The following SNTG2 variants were observed in gnomAD, a reference collection of about 807,000 sequenced individuals.
SNTG2 encodes gamma-2-syntrophin.
SNTG2 carries 74 observed loss-of-function variants against 70.9 expected under a neutral mutation model. The ratio of observed to expected loss-of-function variants is 1.04; its 90% CI spans 0.86 to 1.27. The LOEUF (loss-of-function observed/expected upper bound fraction) is 1.27. SNTG2 is among the 50% of genes most tolerant of loss of function. The probability of loss-of-function intolerance (pLI) is 0.00; values close to 1 mark genes in which losing one functional copy is unlikely to be tolerated. For missense variants in SNTG2, 717 were observed against 690.7 expected (o/e 1.04, Z -0.43); for synonymous variants, 278 against 273.8 (o/e 1.02, Z -0.15).
chr2:1,231,351 C>T (rs555723736), intron 9 of SNTG2, among the ~76,000 whole-genome samples: 1 of 152,048 alleles, frequency 6.6e-6, no homozygotes, highest in African/African-American at 2.4e-5. Context: ...AGATCCGAAA[C>T]GTGAATTACT....
At chr2:1,186,109 G>A (rs1672230594) in intron 8 of SNTG2, among the ~76,000 whole-genome samples, 1 of 152,102 alleles carries the variant, frequency 6.6e-6, no homozygotes, top group Admixed American at 6.5e-5. Context: ...TAACTCTCAA[G>A]TTCAATGTTG....
chr2:965,528 C>T (rs1660526907), intron 1 of SNTG2, among the ~76,000 whole-genome samples: 1 of 148,176 alleles, frequency 6.7e-6, no homozygotes, highest in Non-Finnish European at 1.5e-5. Context: ...TCCTCCTGGC[C>T]TCTCGGTCCT....
chr2:1,282,710 C>G (rs768534080), intron 14 of SNTG2, among the ~76,000 whole-genome samples: 1 of 149,538 alleles, frequency 6.7e-6, no homozygotes, highest in East Asian at 2.0e-4. Flanking sequence ...CTGCCTCCCC[C>G]GCACTGTGCA....
At chr2:1,009,204 A>G (rs995563407) in intron 1 of SNTG2, among the ~76,000 whole-genome samples, 3 of 102,116 alleles carry the variant, frequency 2.9e-5, no homozygotes, top group African/African-American at 1.1e-4. Flanking sequence ...GGTCGTGTGT[A>G]TGGCAGCCAC....
At chr2:1,275,298 T>C (rs1679223270) in intron 14 of SNTG2, among the ~76,000 whole-genome samples, 1 of 152,236 alleles carries the variant, frequency 6.6e-6, no homozygotes, top group African/African-American at 2.4e-5. Flanking sequence ...GAAGATACTC[T>C]TTTTATTATT....
intron 1 of SNTG2, among the ~76,000 whole-genome samples, chr2:984,259 C>CT (rs35096466): frequency 0.047 from 6,646 of 140,246 alleles, 185 homozygotes; most frequent in Admixed American, 0.094. Flanking sequence ...AGAAACAAAG[C>CT]TTTTTTTTTT....
intron 8 of SNTG2, among the ~76,000 whole-genome samples, chr2:1,184,012 T>G (rs1456606901): frequency 6.6e-6 from 1 of 152,228 alleles, no homozygotes; most frequent in African/African-American, 2.4e-5. Flanking sequence ...TTGTAGAATT[T>G]CAGCGAGTTG....
intron 11 of SNTG2, among the ~76,000 whole-genome samples, chr2:1,246,525 C>T (rs964111371): frequency 2.0e-5 from 3 of 152,286 alleles, no homozygotes; most frequent in Non-Finnish European, 4.4e-5. Flanking sequence ...AATAGCTCAT[C>T]GGTCAGTGTC....
chr2:1,192,376 A>AG (rs1172897116), intron 8 of SNTG2, among the ~76,000 whole-genome samples: 1 of 152,188 alleles, frequency 6.6e-6, no homozygotes, highest in East Asian at 1.9e-4. Flanking sequence ...ATTTATTACA[A>AG]GGGGTGTTCC....
chr2:1,246,374 C>T (rs566134960), intron 11 of SNTG2, among the ~76,000 whole-genome samples: 7 of 152,264 alleles, frequency 4.6e-5, no homozygotes, highest in African/African-American at 1.4e-4. Flanking sequence ...AAGTAAATAT[C>T]AGAAACAGGA....
rs548501146 is a variant in SNTG2, at chr2:1,115,671, A to C, written c.325+17261A>C. 3.3e-5 allele frequency among the ~76,000 whole-genome samples: 5 copies of C among 151,690 alleles called. No homozygotes were observed. In the South Asian group the frequency reaches 8.6e-4, roughly 26 times the overall value. The stretch of plus-strand genomic sequence containing the variant: ...TCCTTTGAGGAGGATCGTGTGTACT[A>C]AGTGAGGTTTAACATTTACAGTCCT... On this transcript the variant is annotated intron_variant, in intron 4 of 16. Coordinates refer to ENST00000308624, the MANE Select transcript of SNTG2 (RefSeq NM_018968.4).
intron 9 of SNTG2, among the ~76,000 whole-genome samples, chr2:1,227,990 G>A (rs1413313537): frequency 1.3e-5 from 2 of 152,196 alleles, no homozygotes; most frequent in Non-Finnish European, 2.9e-5. Context: ...CTCCCGCCTC[G>A]TGCTGGGGAT....
intron 1 of SNTG2, among the ~76,000 whole-genome samples, chr2:1,018,449 T>C (rs1659980939): frequency 6.6e-6 from 1 of 152,110 alleles, no homozygotes; most frequent in Non-Finnish European, 1.5e-5. Context: ...TGCTTTAGTG[T>C]TCACTTATTT....
intron 1 of SNTG2, among the ~76,000 whole-genome samples, chr2:1,025,657 C>T (rs183009681): frequency 3.2e-4 from 48 of 152,250 alleles, no homozygotes; most frequent in African/African-American, 9.6e-4. Context: ...AGCGGTGCAG[C>T]GTCTCCAAAT....
intron 1 of SNTG2, among the ~76,000 whole-genome samples, chr2:970,074 G>A (rs1283169738): frequency 6.6e-6 from 1 of 152,118 alleles, no homozygotes; most frequent in Non-Finnish European, 1.5e-5. Context: ...AATATGAAGG[G>A]ATGTTGAATT....
chr2:1,061,716 A>G (rs1280679693), intron 1 of SNTG2, among the ~76,000 whole-genome samples: 1 of 152,060 alleles, frequency 6.6e-6, no homozygotes, highest in Non-Finnish European at 1.5e-5. Flanking sequence ...CAGGCATCTC[A>G]TGTCTTCTGC....
chr2:1,243,135 C>G (rs1308980663), intron 11 of SNTG2, among the ~76,000 whole-genome samples: 1 of 152,224 alleles, frequency 6.6e-6, no homozygotes, highest in Non-Finnish European at 1.5e-5. Flanking sequence ...GCTCATGCAA[C>G]TAACAGGCAT....
At chr2:1,110,897 C>T (rs1168661569) in intron 4 of SNTG2, among the ~76,000 whole-genome samples, 1 of 152,228 alleles carries the variant, frequency 6.6e-6, no homozygotes, top group African/African-American at 2.4e-5. Flanking sequence ...GAACCTGGAT[C>T]TGGCTACATG....
At chr2:1,212,562 T>A (rs958953909) in intron 9 of SNTG2, among the ~76,000 whole-genome samples, 2 of 152,248 alleles carry the variant, frequency 1.3e-5, no homozygotes, top group South Asian at 2.1e-4. Context: ...AAATATGTCT[T>A]ACTAGCTTGC....
Sources: allele counts gnomAD v4.1 joint callset (sites outside exome capture counted in the v4.1 genomes callset), GRCh38; gene constraint gnomAD v4.1.1; transcripts MANE v1.5; gene names NCBI Gene and HGNC (gene_info 2026-07-23, HGNC 2026-07-21).